GK: variants seen among roughly 807,000 people sequenced by gnomAD.
GK encodes the protein glycerol kinase.
A neutral mutation model predicts 56.4 loss-of-function variants in GK; 9 were observed. The observed-to-expected ratio is 0.16, with a 90% CI of 0.10 to 0.28. The LOEUF (loss-of-function observed/expected upper bound fraction) is 0.28, where lower values mean the gene tolerates loss of function less well. Among genes scored for constraint, GK ranks in the 10% least tolerant of loss-of-function variants. GK has a pLI of 1.00. For missense variants in GK, 161 were observed against 431.4 expected (o/e 0.37, Z 5.55); for synonymous variants, 104 against 144.1 (o/e 0.72, Z 1.99).
intron 13 of GK, among the ~76,000 whole-genome samples, chrX:30,718,048 C>A (rs1265919845): frequency 9.0e-6 from 1 of 111,725 alleles, no homozygotes; most frequent in Non-Finnish European, 1.9e-5. Flanking sequence ...ATTGTTATTG[C>A]CACAGCTCTA....
intron 1 of GK, among the ~76,000 whole-genome samples, chrX:30,664,149 A>C (rs1201147142): frequency 1.1e-5 from 1 of 90,109 alleles, no homozygotes; most frequent in African/African-American, 4.1e-5. Context: ...TTATAGATAT[A>C]TATTTTATAT....
intron 2 of GK, among the ~76,000 whole-genome samples, chrX:30,666,222 G>A (rs147696143): frequency 2.4e-3 from 268 of 111,496 alleles, no homozygotes; most frequent in African/African-American, 8.1e-3. Context: ...ATTAAAAGTC[G>A]CCCCAAACTG....
chrX:30,725,941 C>T (rs1937110161), intron 19 of GK, among the ~76,000 whole-genome samples: 1 of 111,003 alleles, frequency 9.0e-6, no homozygotes, highest in Non-Finnish European at 1.9e-5. Context: ...ACATGAGCCA[C>T]CGCGCCTGGC....
At chrX:30,670,229 T>C (rs1933387415) in intron 3 of GK, among the ~76,000 whole-genome samples, 1 of 112,249 alleles carries the variant, frequency 8.9e-6, no homozygotes. Flanking sequence ...TCCAGGCAGC[T>C]TAAAGCCATG....
intron 11 of GK, among the ~76,000 whole-genome samples, 163 bp from the exon 12 acceptor site, chrX:30,707,393 T>G (rs1936074072): frequency 2.7e-5 from 3 of 111,543 alleles, no homozygotes; most frequent in African/African-American, 9.8e-5. Flanking sequence ...AAAACATTAT[T>G]CCAGGAAGAT....
At chrX:30,663,905 AAT>A (rs1932862892) in intron 1 of GK, among the ~76,000 whole-genome samples, 1 of 98,829 alleles carries the variant, frequency 1.0e-5, no homozygotes, top group African/African-American at 3.6e-5. Flanking sequence ...ACATGGAAAC[AAT>A]ATATATGAAA....
intron 2 of GK, among the ~76,000 whole-genome samples, chrX:30,666,713 T>C (rs1383161762): frequency 6.2e-5 from 7 of 112,456 alleles, no homozygotes; most frequent in Admixed American, 4.7e-4. Flanking sequence ...TTAGAGTTCC[T>C]TTGTTTAATA....
At position 30,726,171 on chromosome X, in the gene GK, T is replaced by A. The variant is rs778699141; in HGVS notation, c.1583-1295T>A. ...AACAAACAAAAAAAGATATCATTGCTCCAATTTCTGCTATCAGCATTAATG... is the reference window on the plus strand; with the variant it reads ...AACAAACAAAAAAAGATATCATTGCACCAATTTCTGCTATCAGCATTAATG... On this transcript the variant is annotated intron_variant, in intron 19 of 20. Transcript: ENST00000427190. Among the ~76,000 whole-genome samples the A allele has an allele frequency of 2.7e-5, 3 of 112,311 alleles. No homozygotes were observed. The South Asian group carries it at 1.1e-3, about 41-fold the overall frequency.
Position 30,728,865 on chromosome X carries a change from T to C in GK, c.*123T>C. On this transcript the variant is annotated 3_prime_UTR_variant, in exon 21 of 21. Coordinates refer to ENST00000427190, the MANE Select transcript of GK (RefSeq NM_001205019.2). ...TTGATTTTATTTATAAGCCACTTGC[T>C]GCATGACCCTCCAAGTAGACCTGTG... 1 of 552,523 alleles carries C rather than the reference T, an allele frequency of 1.8e-6. No homozygotes were observed. The highest frequency in any genetic ancestry group is 2.3e-5 in the Admixed American group (1 of 43,418). 45.5% of individuals were successfully genotyped at this position (552,523 alleles called of 1,213,427 possible). A position where few individuals can be genotyped will look rare whatever the true frequency, so the allele number is the denominator to read the frequency against.
intron 3 of GK, among the ~76,000 whole-genome samples, chrX:30,668,427 G>A (rs779624147): frequency 3.6e-5 from 4 of 112,242 alleles, no homozygotes; most frequent in Non-Finnish European, 7.5e-5. Context: ...GCCAGGAAAA[G>A]CCTTTCTAAG....
At chrX:30,672,328 A>G (rs758307687) in intron 3 of GK, among the ~76,000 whole-genome samples, 2 of 110,753 alleles carry the variant, frequency 1.8e-5, no homozygotes, top group Admixed American at 1.9e-4. Context: ...CCACATATCC[A>G]TTCCTCCACT....
chrX:30,699,297 AACATG>A (rs1656526758), intron 9 of GK, among the ~76,000 whole-genome samples: 20 of 87,956 alleles, frequency 2.3e-4, no homozygotes, highest in South Asian at 6.4e-4. Flanking sequence ...TGTTATACAT[AACATG>A]TATATATATA....
chrX:30,718,506 A>T (rs765626455), intron 13 of GK, 32 bp from the exon 14 acceptor site: 1 of 982,357 alleles, frequency 1.0e-6, no homozygotes, highest in African/African-American at 1.9e-5. Flanking sequence ...GTGATAAAAT[A>T]TATTCTGTCT....
At chrX:30,663,542 C>T (rs1330613209) in intron 1 of GK, among the ~76,000 whole-genome samples, 1 of 111,080 alleles carries the variant, frequency 9.0e-6, no homozygotes, top group Non-Finnish European at 1.9e-5. Flanking sequence ...ACAGGGCTAT[C>T]ACATGGTGTA....
intron 1 of GK, among the ~76,000 whole-genome samples, chrX:30,654,688 A>C (rs894786645): frequency 3.6e-5 from 4 of 111,118 alleles, no homozygotes; most frequent in Admixed American, 9.6e-5. Context: ...ACACCACTGC[A>C]CTCCAGCCTG....
chrX:30,724,040 T>A (rs1325268617), intron 18 of GK, 61 bp from the exon 19 acceptor site: 1 of 662,687 alleles, frequency 1.5e-6, no homozygotes, highest in African/African-American at 2.1e-5. Context: ...ATAAGTATGG[T>A]ACTAAGAACA....
intron 20 of GK, 46 bp downstream of exon 20, chrX:30,727,598 G>A (rs1389202865): frequency 1.2e-6 from 1 of 803,097 alleles, no homozygotes; most frequent in African/African-American, 2.0e-5. Context: ...TAGCTTTAAT[G>A]TTTTCGTGTA....
intron 12 of GK, 81 bp from the exon 13 acceptor site, chrX:30,707,973 G>A (rs1461203857): frequency 8.8e-6 from 5 of 569,903 alleles, no homozygotes; most frequent in Non-Finnish European, 1.5e-5. Context: ...TTGTACCTAT[G>A]TTATTTTAAC....
chrX:30,662,809 TTC>T (rs368743449), intron 1 of GK, among the ~76,000 whole-genome samples: 2,004 of 62,234 alleles, frequency 0.032, 45 homozygotes, highest in African/African-American at 0.063. Flanking sequence ...CCTTCCTTCC[TTC>T]TCTCTCTCTC....
Sources: gnomAD v4.1 joint callset for allele counts (sites outside exome capture counted in the v4.1 genomes callset) on GRCh38, gnomAD v4.1.1 for gene constraint, MANE v1.5 for transcripts, NCBI Gene and HGNC (gene_info 2026-07-23, HGNC 2026-07-21) for gene names.